The following MARK2 variants were observed in gnomAD, a reference collection of about 807,000 sequenced individuals.
MARK2 encodes the protein serine/threonine-protein kinase MARK2.
Under a neutral mutation model 89.8 loss-of-function variants are expected in MARK2, and 16 were observed. That is an observed-to-expected ratio of 0.18 (90% CI 0.12 to 0.27). The LOEUF is 0.27. Ranked by LOEUF, MARK2 falls within the 10% of genes least tolerant of loss-of-function variation. The pLI is 1.00. For synonymous variants in MARK2, 382 were observed against 399.5 expected (o/e 0.96, Z 0.52); for missense variants, 621 against 1,049.9 (o/e 0.59, Z 5.65).
At chr11:63,906,318 C>T (rs1941331966) in intron 17 of MARK2, among the ~76,000 whole-genome samples, 1 of 152,198 alleles carries the variant, frequency 6.6e-6, no homozygotes, top group South Asian at 2.1e-4. Flanking sequence ...CTCCGTGCCC[C>T]CAGTACAAAC....
chr11:63,872,147 A>G (rs1260432996), intron 1 of MARK2, among the ~76,000 whole-genome samples: 1 of 151,956 alleles, frequency 6.6e-6, no homozygotes, highest in Admixed American at 6.5e-5. Context: ...TCCTCCGGCC[A>G]CTCCTGACAA....
At position 63,901,038 on chromosome 11, in the gene MARK2, C is replaced by A. The variant is rs1940821671; in HGVS notation, c.1070C>A (p.Thr357Asn). ...CAGAGATACAACGAGGTGATGGCCA[C>A]CTATCTGCTCCTGGGCTACAAGAGC... ...VGQRYNEVMA[T>N]YLLLGYKSSE... The change falls in exon 11 of 19, where the codon ACC becomes AAC. Residue 357 changes from threonine to asparagine, a missense_variant. This residue lies in a region of MARK2 where 397 missense variants were observed against 567.8 expected (regional missense o/e 0.70). Coordinates refer to ENST00000402010, the MANE Select transcript of MARK2 (RefSeq NM_001039469.3). The A allele has an allele frequency of 6.2e-7, 1 of 1,613,930 alleles. No homozygotes were observed. The highest frequency in any genetic ancestry group is 8.5e-7 in the Non-Finnish European group (1 of 1,179,814).
chr11:63,903,140 T>A lies in MARK2; in HGVS notation c.1496T>A (p.Ile499Asn). The A allele has an allele frequency of 6.2e-7, 1 of 1,613,584 alleles. No individual in the cohort carries two copies. Among genetic ancestry groups the A allele is most frequent in the Non-Finnish European group, 8.5e-7 (1 of 1,179,910 alleles). The change falls in exon 14 of 19, where the codon ATC (isoleucine) becomes AAC (asparagine). Residue 499 changes from isoleucine (I) to asparagine (N), a missense_variant. Ile to Asn is a moderately radical substitution (Grantham distance 149, BLOSUM62 -3). Coordinates refer to ENST00000402010, the MANE Select transcript of MARK2 (RefSeq NM_001039469.3). The surrounding 1 kb of genome is among the most constrained non-coding windows in gnomAD (Gnocchi z 5.1). ...LERASLGQAS[I>N]QNGKDSLTMP... ...CGGGCCAGCCTCGGCCAGGCCTCCA[T>A]CCAGAATGGCAAAGACAGGTGAGAG...
In MARK2 at chr11:63,904,016, G is replaced by A. The variant is rs1393960674; in HGVS notation, c.1545G>A (p.Thr515=). ...CCATGCCAGGGTCCCGGGCCTCCAC[G>A]GCTTCTGCTTCTGCCGCAGTCTCTG... ...SLTMPGSRAS[T]ASASAAVSAA... The change falls in exon 15 of 19, where the codon ACG becomes ACA. Residue 515 remains threonine (T), a synonymous_variant. Transcript: ENST00000402010. This position sits in a 1 kb window ranked among gnomAD's most constrained non-coding sequence, Gnocchi z 6.3. 4 of 1,609,078 alleles carry A rather than the reference G, an allele frequency of 2.5e-6. No homozygotes were observed. The highest frequency in any genetic ancestry group is 1.7e-5 in the Admixed American group (1 of 59,574).
At position 63,854,812 on chromosome 11, in the gene MARK2, C is replaced by CA. The variant is rs56392948; in HGVS notation, c.54+15271dup. ...GACCAACAACAGCGAGACACCATCC[C>CA]AAAAAAAAAAAAAAAAAAAGGGTAT... is the stretch of plus-strand genomic sequence containing the variant. On this transcript the variant is annotated intron_variant, in intron 1 of 18. Transcript: ENST00000402010. Among the ~76,000 whole-genome samples the CA allele has an allele frequency of 8.4e-3, 987 of 116,900 alleles. 6 individuals are homozygous for CA. Among genetic ancestry groups the CA allele is most frequent in the African/African-American group, 0.025 (668 of 27,038 alleles). 76.7% of individuals were successfully genotyped at this position (116,900 alleles called of 152,430 possible).
At chr11:63,886,707 G>C (rs1939421598) in intron 1 of MARK2, among the ~76,000 whole-genome samples, 1 of 152,138 alleles carries the variant, frequency 6.6e-6, no homozygotes. Flanking sequence ...TACATGGTGG[G>C]GGCCACCATG....
In MARK2 at chr11:63,902,672, C is replaced by A. The variant is rs755818402; in HGVS notation, c.1306C>A (p.Arg436=). The part of the protein sequence containing the change: ...KTQSNNAENK[R]PEEDRESGRK... ...TCAGAGTAACAACGCAGAAAATAAG[C>A]GGCCTGAGGAGGACCGGGAGTCAGG... Residue 436 remains arginine, a synonymous_variant, in exon 13 of 19, where the codon CGG becomes AGG. Coordinates refer to ENST00000402010, the MANE Select transcript of MARK2 (RefSeq NM_001039469.3). The surrounding 1 kb of genome is among the most constrained non-coding windows in gnomAD (Gnocchi z 4.2). 6.2e-7 allele frequency: 1 copy of A among 1,613,976 alleles called. No homozygotes were observed. The highest frequency in any genetic ancestry group is 1.3e-5 in the African/African-American group (1 of 74,918).
chr11:63,854,882 A>T (rs1034739644), intron 1 of MARK2, among the ~76,000 whole-genome samples: 5 of 151,746 alleles, frequency 3.3e-5, no homozygotes, highest in Admixed American at 6.6e-5. Flanking sequence ...TTGCTGCTGT[A>T]TGCCAAACTT....
At chr11:63,864,807 T>C (rs1938034988) in intron 1 of MARK2, among the ~76,000 whole-genome samples, 1 of 151,146 alleles carries the variant, frequency 6.6e-6, no homozygotes, top group Admixed American at 6.6e-5. Flanking sequence ...GCCCAGGATT[T>C]TGAGACCAGC....
Position 63,895,269 on chromosome 11 carries a change from C to G in MARK2, c.165C>G (p.Leu55=). The part of the protein sequence containing the change: ...DEQPHIGNYR[L]LKTIGKGNFA... Reference sequence around the variant, plus strand: ...AGCCCCACATTGGAAACTACCGGCTCCTCAAGACCATTGGCAAGGGTAATT... The same window carrying G: ...AGCCCCACATTGGAAACTACCGGCTGCTCAAGACCATTGGCAAGGGTAATT... Residue 55 remains leucine (L), a synonymous_variant, in exon 2 of 19, where the codon CTC becomes CTG. Coordinates refer to ENST00000402010, the MANE Select transcript of MARK2 (RefSeq NM_001039469.3). 1 of 1,614,140 alleles carries G rather than the reference C, an allele frequency of 6.2e-7. No homozygotes were observed. Among genetic ancestry groups the G allele is most frequent in the Non-Finnish European group, 8.5e-7 (1 of 1,180,034 alleles).
At chr11:63,878,409 C>T (rs529103346) in intron 1 of MARK2, among the ~76,000 whole-genome samples, 5 of 135,602 alleles carry the variant, frequency 3.7e-5, no homozygotes, top group South Asian at 2.5e-4. Flanking sequence ...CTCGCTCTGT[C>T]GCCTAGGCTG....
intron 1 of MARK2, among the ~76,000 whole-genome samples, chr11:63,848,295 C>T (rs911257135): frequency 3.3e-5 from 5 of 152,252 alleles, no homozygotes; most frequent in African/African-American, 1.2e-4. Flanking sequence ...GTGAGCTACT[C>T]ATTGCTTCTG....
Position 63,902,521 on chromosome 11 carries a change from C to T in MARK2, c.1235-80C>T. 1 of 1,465,030 alleles carries T rather than the reference C, an allele frequency of 6.8e-7. No individual in the cohort carries two copies. Among genetic ancestry groups the T allele is most frequent in the East Asian group, 2.3e-5 (1 of 42,950 alleles). The allele number at this position is 1,465,030 out of a possible 1,614,324, so 90.8% of individuals were successfully genotyped here. Reference sequence around the variant, plus strand: ...GGGCTTGCTGGGTTGTTGGCCAGCCCTGTAGGAAATGAGCATGCGTGGGGC... The same window carrying T: ...GGGCTTGCTGGGTTGTTGGCCAGCCTTGTAGGAAATGAGCATGCGTGGGGC... On this transcript the variant is annotated intron_variant, in intron 12 of 18. Transcript: ENST00000402010. The surrounding 1 kb of genome is among the most constrained non-coding windows in gnomAD (Gnocchi z 4.2).
intron 1 of MARK2, among the ~76,000 whole-genome samples, chr11:63,876,742 T>C (rs1938781870): frequency 6.6e-6 from 1 of 152,184 alleles, no homozygotes; most frequent in Non-Finnish European, 1.5e-5. Context: ...CTGAGTGAAT[T>C]CAGAGGTGGA....
intron 1 of MARK2, among the ~76,000 whole-genome samples, chr11:63,864,839 C>CT (rs1938036907): frequency 6.6e-6 from 1 of 151,882 alleles, no homozygotes; most frequent in Non-Finnish European, 1.5e-5. Context: ...AGCAAGACTC[C>CT]ATCTCTAATA....
chr11:63,863,340 T>C (rs1447422017), intron 1 of MARK2, among the ~76,000 whole-genome samples: 1 of 152,102 alleles, frequency 6.6e-6, no homozygotes, highest in East Asian at 1.9e-4. Context: ...TTAGTTGAAC[T>C]TGAGTGTATG....
At chr11:63,875,690 T>C (rs1213586309) in intron 1 of MARK2, among the ~76,000 whole-genome samples, 1 of 152,220 alleles carries the variant, frequency 6.6e-6, no homozygotes, top group Admixed American at 6.5e-5. Flanking sequence ...TGCTAGTTCA[T>C]GGGCTATAAA....
rs1162925950 is a variant in MARK2, at chr11:63,902,080, C to T, written c.1102-118C>T. 25 of 1,094,308 alleles carry T rather than the reference C, an allele frequency of 2.3e-5. No homozygotes were observed. Among genetic ancestry groups the T allele is most frequent in the Admixed American group, 1.7e-4 (7 of 41,772 alleles). The allele number at this position is 1,094,308 out of a possible 1,614,324, so 67.8% of individuals were successfully genotyped here. A position where few individuals can be genotyped will look rare whatever the true frequency, so the allele number is the denominator to read the frequency against. ...TGTATTGGTCTTACAAGTGGATGTC[C>T]GGTATGATCCTGGGGTGTTTGAGTG... On this transcript the variant is annotated intron_variant, in intron 11 of 18. Transcript: ENST00000402010. The surrounding 1 kb of genome is among the most constrained non-coding windows in gnomAD (Gnocchi z 4.2).
chr11:63,856,768 G>GGTTTTTTTTTTTTTTT (rs1565100741), intron 1 of MARK2, among the ~76,000 whole-genome samples: 1 of 53,796 alleles, frequency 1.9e-5, no homozygotes, highest in East Asian at 6.7e-4. Context: ...AATTTTTCAT[G>GGTTTTTTTTTTTTTTT]TTTTTTTTTT....
Sources: allele counts gnomAD v4.1 joint callset (sites outside exome capture counted in the v4.1 genomes callset), GRCh38; gene constraint gnomAD v4.1.1; regional missense constraint gnomAD v4.1.1; non-coding constraint Gnocchi (gnomAD v3.1); transcripts MANE v1.5; gene names NCBI Gene and HGNC (gene_info 2026-07-23, HGNC 2026-07-21).